Variants in PLGRKT observed in about 807,000 individuals in gnomAD.
PLGRKT encodes the protein plasminogen receptor with a C-terminal lysine, also known as plasminogen receptor (KT).
Under a neutral mutation model 18.5 loss-of-function variants are expected in PLGRKT, and 22 were observed. The ratio of observed to expected loss-of-function variants is 1.19; its 90% CI spans 0.85 to 1.70. The LOEUF (loss-of-function observed/expected upper bound fraction) is 1.70. Ranked by LOEUF, PLGRKT falls within the 40% of genes most tolerant of loss-of-function variation. The probability of loss-of-function intolerance (pLI) is 0.00; values close to 1 mark genes in which losing one functional copy is unlikely to be tolerated. For synonymous variants in PLGRKT, 72 were observed against 52.8 expected (o/e 1.36, Z -1.58); for missense variants, 235 against 174.4 (o/e 1.35, Z -1.96).
At chr9:5,387,385 C>G (rs553657126) in intron 3 of PLGRKT, among the ~76,000 whole-genome samples, 1 of 151,786 alleles carries the variant, frequency 6.6e-6, no homozygotes, top group Non-Finnish European at 1.5e-5. Flanking sequence ...TAGACTCAAA[C>G]TGGAATTAAT....
At chr9:5,399,327 GT>G (rs1211690561) in intron 3 of PLGRKT, among the ~76,000 whole-genome samples, 2 of 151,852 alleles carry the variant, frequency 1.3e-5, no homozygotes, top group Non-Finnish European at 2.9e-5. Flanking sequence ...TCCTACAGTA[GT>G]TTCCCCCCTG....
chr9:5,389,441 G>A (rs189494685), intron 3 of PLGRKT, among the ~76,000 whole-genome samples: 1 of 151,888 alleles, frequency 6.6e-6, no homozygotes, highest in East Asian at 1.9e-4. Context: ...CTAGCTGATA[G>A]TGCCAGGTCA....
At chr9:5,400,816 A>C (rs1818139927) in intron 3 of PLGRKT, among the ~76,000 whole-genome samples, 1 of 151,910 alleles carries the variant, frequency 6.6e-6, no homozygotes, top group Admixed American at 6.6e-5. Context: ...GAAGACGCAA[A>C]TTAGAAAACC....
chr9:5,432,464 T>A (rs182075741), intron 2 of PLGRKT, among the ~76,000 whole-genome samples: 303 of 152,280 alleles, frequency 2.0e-3, no homozygotes, highest in Non-Finnish European at 3.4e-3. Context: ...CTCTTTGCAT[T>A]TGCGTTTTAA....
Position 5,403,845 on chromosome 9 carries a change from A to C in PLGRKT, c.81+28052T>G, listed in dbSNP as rs375887891. 1.2e-4 allele frequency among the ~76,000 whole-genome samples: 18 copies of C among 152,334 alleles called. No homozygotes were observed. In the East Asian group the frequency reaches 1.9e-3, roughly 16 times the overall value. ...GATGACAGAAGGAAATACCATTTCT[A>C]TGGCCTCTGCCTGTTCATAGGTTCC... On this transcript the variant is annotated intron_variant, in intron 3 of 5. Coordinates refer to ENST00000223864, the MANE Select transcript of PLGRKT (RefSeq NM_018465.4).
chr9:5,419,619 A>G (rs1036394377), intron 3 of PLGRKT, among the ~76,000 whole-genome samples: 1 of 152,250 alleles, frequency 6.6e-6, no homozygotes, highest in African/African-American at 2.4e-5. Flanking sequence ...AACATATTCA[A>G]TGTTATTAGC....
chr9:5,398,853 T>C (rs989462075), intron 3 of PLGRKT, among the ~76,000 whole-genome samples: 24 of 151,870 alleles, frequency 1.6e-4, no homozygotes, highest in Non-Finnish European at 1.5e-4. Context: ...TGATGTATTA[T>C]TTTGAGCTAA....
intron 3 of PLGRKT, among the ~76,000 whole-genome samples, chr9:5,390,352 T>C (rs1198605328): frequency 6.6e-6 from 1 of 151,620 alleles, no homozygotes; most frequent in East Asian, 1.9e-4. Context: ...TTTATCAAGG[T>C]AGCCTCATGC....
intron 3 of PLGRKT, among the ~76,000 whole-genome samples, chr9:5,368,873 A>G (rs1817453698): frequency 6.6e-6 from 1 of 152,224 alleles, no homozygotes; most frequent in Non-Finnish European, 1.5e-5. Flanking sequence ...TCCCTATTCA[A>G]TAAATGGTGT....
At chr9:5,409,362 G>A (rs532213715) in intron 3 of PLGRKT, among the ~76,000 whole-genome samples, 1 of 152,302 alleles carries the variant, frequency 6.6e-6, no homozygotes, top group South Asian at 2.1e-4. Context: ...AGGTTAGACT[G>A]GCGTAGCCTC....
intron 3 of PLGRKT, among the ~76,000 whole-genome samples, chr9:5,402,085 G>C (rs1818166096): frequency 1.3e-5 from 2 of 151,936 alleles, no homozygotes; most frequent in Non-Finnish European, 1.5e-5. Flanking sequence ...ACTTGTTACA[G>C]TTTAATAAAC....
intron 3 of PLGRKT, among the ~76,000 whole-genome samples, chr9:5,379,785 GCACT>G: frequency 6.6e-6 from 1 of 152,106 alleles, no homozygotes; most frequent in Non-Finnish European, 1.5e-5. Flanking sequence ...TGGTGAGAGT[GCACT>G]CATGCACTAT....
chr9:5,361,974 A>G, intron 3 of PLGRKT, 86 bp from the exon 4 acceptor site: 1 of 1,271,840 alleles, frequency 7.9e-7, no homozygotes, highest in Non-Finnish European at 1.1e-6. Flanking sequence ...CAGCGGATTC[A>G]TTCTTCAATT....
intron 3 of PLGRKT, among the ~76,000 whole-genome samples, chr9:5,367,796 T>C (rs1817427503): frequency 6.6e-6 from 1 of 151,862 alleles, no homozygotes; most frequent in Non-Finnish European, 1.5e-5. Flanking sequence ...ATCAACAGAG[T>C]AAACAATTTA....
At position 5,358,317 on chromosome 9, in the gene PLGRKT, C is replaced by G; in HGVS notation, c.366G>C (p.Gln122His). The part of the protein sequence containing the change: ...DILETEKSKL[Q>H]LPRGMITFES... ...CAAAAGTGATCATTCCTCTTGGCAG[C>G]TGCAATTTACTCTTTTCTGTTTCCA... is the stretch of plus-strand genomic sequence containing the variant. Residue 122 changes from glutamine (Q) to histidine (H), a missense_variant, in exon 6 of 6, where the codon CAG (glutamine) becomes CAC (histidine). Physicochemically the swap from Gln to His is conservative, Grantham distance 24 (BLOSUM62 0). Coordinates refer to ENST00000223864, the MANE Select transcript of PLGRKT (RefSeq NM_018465.4). 2 of 1,610,006 alleles carry G rather than the reference C, an allele frequency of 1.2e-6. No individual in the cohort carries two copies. The highest frequency in any genetic ancestry group is 1.7e-6 in the Non-Finnish European group (2 of 1,176,566).
intron 3 of PLGRKT, among the ~76,000 whole-genome samples, chr9:5,431,579 G>A (rs576578225): frequency 3.4e-5 from 5 of 149,086 alleles, no homozygotes; most frequent in African/African-American, 1.2e-4. Flanking sequence ...ATGACAATGA[G>A]TCCATCTGCA....
In PLGRKT at chr9:5,402,256, A is replaced by C. The variant is rs902924260; in HGVS notation, c.81+29641T>G. 1.3e-5 allele frequency among the ~76,000 whole-genome samples: 2 copies of C among 151,956 alleles called. 1 individual carries two copies. The highest frequency in any genetic ancestry group is 4.9e-5 in the African/African-American group (2 of 41,200). On this transcript the variant is annotated intron_variant, in intron 3 of 5. Transcript: ENST00000223864. Reference sequence around the variant, plus strand: ...TTCCCTCAAAAGAGTTTAACAGAGAAGAATGTAATGAAAGAACTCTGCACT... The same window carrying C: ...TTCCCTCAAAAGAGTTTAACAGAGACGAATGTAATGAAAGAACTCTGCACT...
intron 5 of PLGRKT, among the ~76,000 whole-genome samples, chr9:5,359,763 G>A (rs1203032555): frequency 6.6e-6 from 1 of 152,168 alleles, no homozygotes; most frequent in Admixed American, 6.5e-5. Context: ...TGTGCCAGCT[G>A]GGTCAAATTC....
At chr9:5,369,570 G>A (rs1266320579) in intron 3 of PLGRKT, among the ~76,000 whole-genome samples, 2 of 152,154 alleles carry the variant, frequency 1.3e-5, no homozygotes, top group Admixed American at 6.5e-5. Context: ...AATACCATTT[G>A]ACCCAGCAAT....
Sources: allele counts gnomAD v4.1 joint callset (sites outside exome capture counted in the v4.1 genomes callset), GRCh38; gene constraint gnomAD v4.1.1; transcripts MANE v1.5; gene names NCBI Gene and HGNC (gene_info 2026-07-23, HGNC 2026-07-21).